Variants in GPHN observed in about 807,000 individuals in gnomAD.
The protein encoded by GPHN is gephyrin.
Under a neutral mutation model 95.5 loss-of-function variants are expected in GPHN, and 17 were observed. The ratio of observed to expected loss-of-function variants is 0.18; its 90% CI spans 0.12 to 0.27. The LOEUF (loss-of-function observed/expected upper bound fraction) is 0.27, where lower values mean the gene tolerates loss of function less well. Ranked by LOEUF, GPHN falls within the 10% of genes least tolerant of loss-of-function variation. The pLI is 1.00. For synonymous variants in GPHN, 320 were observed against 322.5 expected, an observed-to-expected ratio of 0.99 and a Z score of 0.08; for missense variants, 660 against 978.1, an observed-to-expected ratio of 0.67 and a Z score of 4.34.
the GPHN span, chr14:67,586,444 A>G: frequency 7.7e-7 from 1 of 1,306,832 alleles, no homozygotes; most frequent in Non-Finnish European, 1.0e-6. Context: ...GGCAGGGCAG[A>G]TTCCTCTTTA....
At chr14:67,065,412 G>A (rs2076003125) in intron 11 of GPHN, among the ~76,000 whole-genome samples, 1 of 152,210 alleles carries the variant, frequency 6.6e-6, no homozygotes, top group Admixed American at 6.5e-5. Flanking sequence ...ATATTCTGTT[G>A]ATTTGGGGTG....
At chr14:66,813,675 C>T (rs1029113096) in intron 3 of GPHN, among the ~76,000 whole-genome samples, 2 of 152,220 alleles carry the variant, frequency 1.3e-5, no homozygotes, top group Admixed American at 1.3e-4. Flanking sequence ...TGTAGTGGAG[C>T]ATGGCCAGGG....
Position 66,985,786 on chromosome 14 carries a change from C to T in GPHN, c.963+20461C>T, listed in dbSNP as rs1315789303. ...TTGGCAAGATTTCGTCTATAGCCTA[C>T]ACTTCTTCCTTTTTGGAGGGTGGTG... On this transcript the variant is annotated intron_variant, in intron 9 of 22. Transcript: ENST00000478722. 9 of 1,066,600 alleles carry T rather than the reference C, an allele frequency of 8.4e-6. No individual in the cohort carries two copies. In the Admixed American group the frequency reaches 1.7e-4, roughly 20 times the overall value. The allele number at this position is 1,066,600 out of a possible 1,614,324, so 66.1% of individuals were successfully genotyped here. A position where few individuals can be genotyped will look rare whatever the true frequency, so the allele number is the denominator to read the frequency against.
At chr14:66,625,593 A>G (rs150293274) in intron 1 of GPHN, among the ~76,000 whole-genome samples, 2,028 of 152,056 alleles carry the variant, frequency 0.013, 23 homozygotes, top group Middle Eastern at 0.02. Context: ...AATACAGTTT[A>G]TGTTTCATTT....
intron 16 of GPHN, 152 bp downstream of exon 16, chr14:67,113,323 T>C (rs2078486750): frequency 1.3e-6 from 1 of 756,720 alleles, no homozygotes; most frequent in Non-Finnish European, 2.3e-6. Flanking sequence ...AAATTGGCTT[T>C]AGGATAGTTT....
At chr14:66,812,100 A>G (rs915351350) in intron 3 of GPHN, among the ~76,000 whole-genome samples, 3 of 152,196 alleles carry the variant, frequency 2.0e-5, no homozygotes, top group African/African-American at 7.2e-5. Context: ...ATTAAAGTAA[A>G]AAGGGAAATC....
chr14:67,006,396 G>A (rs2072612453), intron 9 of GPHN, among the ~76,000 whole-genome samples: 1 of 152,074 alleles, frequency 6.6e-6, no homozygotes, highest in Non-Finnish European at 1.5e-5. Context: ...CCAGCTTGCT[G>A]CTATTTTTTC....
At chr14:66,577,441 C>T (rs1413289371) in intron 1 of GPHN, among the ~76,000 whole-genome samples, 2 of 152,098 alleles carry the variant, frequency 1.3e-5, no homozygotes, top group Non-Finnish European at 2.9e-5. Flanking sequence ...CAGTTATTTA[C>T]ATATATTATG....
At chr14:66,770,688 G>A (rs1334736456) in intron 2 of GPHN, among the ~76,000 whole-genome samples, 2 of 152,012 alleles carry the variant, frequency 1.3e-5, no homozygotes, top group African/African-American at 2.4e-5. Context: ...TATTAATACC[G>A]TAGTAGTCCC....
chr14:67,662,391 CA>C, the GPHN span: 8 of 1,152,612 alleles, frequency 6.9e-6, no homozygotes, highest in Non-Finnish European at 1.0e-5. Context: ...TGGACAGGAA[CA>C]GTTAATTTGT....
At chr14:66,621,200 T>C (rs1444858472) in intron 1 of GPHN, among the ~76,000 whole-genome samples, 2 of 150,990 alleles carry the variant, frequency 1.3e-5, no homozygotes, top group Non-Finnish European at 3.0e-5. Context: ...TGGTCTCGAT[T>C]TCCTGACCTC....
At chr14:67,204,729 G>T in the GPHN span, 1 of 1,613,964 alleles carries the variant, frequency 6.2e-7, no homozygotes, top group Non-Finnish European at 8.5e-7. Context: ...TTTCCAAAGT[G>T]TCGGAGGTTT....
chr14:66,732,458 C>G (rs1251876362), intron 2 of GPHN, among the ~76,000 whole-genome samples: 1 of 152,210 alleles, frequency 6.6e-6, no homozygotes, highest in Non-Finnish European at 1.5e-5. Context: ...GCCAGTTTCT[C>G]CCATTTAGAA....
At chr14:67,577,299 C>T in the GPHN span, 1 of 1,556,274 alleles carries the variant, frequency 6.4e-7, no homozygotes, top group Non-Finnish European at 8.7e-7. Context: ...GTGCTTTGGG[C>T]AGATTCGCCG....
At chr14:67,002,924 T>C (rs2072339011) in intron 9 of GPHN, among the ~76,000 whole-genome samples, 1 of 151,632 alleles carries the variant, frequency 6.6e-6, no homozygotes, top group Non-Finnish European at 1.5e-5. Context: ...ACAACCTGAT[T>C]GAAACAAGTA....
the GPHN span, among the ~76,000 whole-genome samples, chr14:67,731,517 C>T: frequency 6.6e-6 from 1 of 151,696 alleles, no homozygotes; most frequent in African/African-American, 2.4e-5. Context: ...GCCTGGTCTT[C>T]CCATCATATT....
intron 1 of GPHN, among the ~76,000 whole-genome samples, chr14:66,530,953 ATT>A (rs569763873): frequency 9.1e-5 from 11 of 121,126 alleles, no homozygotes; most frequent in Admixed American, 1.7e-4. Context: ...TGTTTGTTAG[ATT>A]TTTTTTTTTT....
the GPHN span, among the ~76,000 whole-genome samples, chr14:67,595,749 C>T: frequency 2.1e-5 from 2 of 94,640 alleles, no homozygotes; most frequent in Admixed American, 1.4e-4. Context: ...TAGAGGACAA[C>T]TAGAGGACGC....
At chr14:67,697,135 C>T in the GPHN span, among the ~76,000 whole-genome samples, 4 of 151,934 alleles carry the variant, frequency 2.6e-5, no homozygotes, top group Admixed American at 1.3e-4. Context: ...TGATGTCCAG[C>T]AGGAAGCCAG....
Sources: allele counts gnomAD v4.1 joint callset (sites outside exome capture counted in the v4.1 genomes callset), GRCh38; gene constraint gnomAD v4.1.1; transcripts MANE v1.5; gene names NCBI Gene and HGNC (gene_info 2026-07-23, HGNC 2026-07-21).